The following PCDH11X variants were observed in gnomAD, a reference collection of about 807,000 sequenced individuals.
PCDH11X encodes the protein protocadherin-11 X-linked.
PCDH11X carries 18 observed loss-of-function variants against 53.3 expected under a neutral mutation model. That is an observed-to-expected ratio of 0.34 (90% CI 0.23 to 0.50). The LOEUF (loss-of-function observed/expected upper bound fraction) is 0.50, where lower values mean the gene tolerates loss of function less well. Ranked by LOEUF, PCDH11X falls within the 20% of genes least tolerant of loss-of-function variation. The probability of loss-of-function intolerance (pLI) is 0.98; values close to 1 mark genes in which losing one functional copy is unlikely to be tolerated. For missense variants in PCDH11X, 570 were observed against 1,032.4 expected, an observed-to-expected ratio of 0.55 and a Z score of 6.14; for synonymous variants, 279 against 393.3, an observed-to-expected ratio of 0.71 and a Z score of 3.44.
intron 6 of PCDH11X, among the ~76,000 whole-genome samples, chrX:92,034,491 A>G (rs1310085008): frequency 9.3e-6 from 1 of 107,585 alleles, no homozygotes; most frequent in East Asian, 3.1e-4. Flanking sequence ...TCATTATACT[A>G]TAACCTTCTT....
At chrX:92,417,907 G>A (rs1414798023) in intron 9 of PCDH11X, among the ~76,000 whole-genome samples, 3 of 94,062 alleles carry the variant, frequency 3.2e-5, no homozygotes, top group African/African-American at 7.9e-5. Flanking sequence ...TCGCATAGCC[G>A]ACTCCTAGCA....
chrX:92,417,592 T>C (rs1466933105), intron 9 of PCDH11X, among the ~76,000 whole-genome samples: 4 of 111,572 alleles, frequency 3.6e-5, no homozygotes, highest in African/African-American at 9.8e-5. Flanking sequence ...TGTATTTCAA[T>C]GTTCAGGGAG....
At chrX:91,902,294 A>G (rs1181535683) in intron 6 of PCDH11X, among the ~76,000 whole-genome samples, 1 of 110,254 alleles carries the variant, frequency 9.1e-6, no homozygotes, top group African/African-American at 3.3e-5. Context: ...TGTCTCATGT[A>G]GTTAGCAGTG....
At chrX:92,017,405 G>T (rs2062812627) in intron 6 of PCDH11X, among the ~76,000 whole-genome samples, 3 of 109,056 alleles carry the variant, frequency 2.8e-5, no homozygotes. Flanking sequence ...TACCATAAGA[G>T]ATATAATAGT....
At chrX:92,084,772 T>C (rs182132572) in intron 6 of PCDH11X, among the ~76,000 whole-genome samples, 99 of 110,787 alleles carry the variant, frequency 8.9e-4, no homozygotes, top group African/African-American at 3.1e-3. Flanking sequence ...TACCTCTTAA[T>C]CTTAGACAGC....
chrX:92,398,357 C>T (rs1344400012), intron 9 of PCDH11X, among the ~76,000 whole-genome samples: 1 of 111,536 alleles, frequency 9.0e-6, no homozygotes, highest in Non-Finnish European at 1.9e-5. Flanking sequence ...ATTGGAATTT[C>T]ACTGCATAAG....
At chrX:91,827,831 C>G (rs1366260644) in intron 4 of PCDH11X, among the ~76,000 whole-genome samples, 1 of 109,431 alleles carries the variant, frequency 9.1e-6, no homozygotes, top group Admixed American at 9.8e-5. Context: ...GCACCAGTAC[C>G]GTTACTGTAG....
intron 6 of PCDH11X, among the ~76,000 whole-genome samples, chrX:91,886,887 C>A (rs1940234697): frequency 9.6e-6 from 1 of 104,180 alleles, no homozygotes; most frequent in African/African-American, 3.5e-5. Flanking sequence ...AGGAGAATGG[C>A]ATGAACCCGG....
intron 8 of PCDH11X, among the ~76,000 whole-genome samples, chrX:92,269,222 C>G (rs769768945): frequency 6.3e-5 from 7 of 111,951 alleles, no homozygotes; most frequent in African/African-American, 2.3e-4. Context: ...TCTGTCTCAT[C>G]ATTGTTATCC....
In PCDH11X at chrX:92,398,316, G is replaced by A. The variant is rs867376223; in HGVS notation, c.3343+10383G>A. On this transcript the variant is annotated intron_variant, in intron 9 of 10. Coordinates refer to ENST00000682573, the MANE Select transcript of PCDH11X (RefSeq NM_032968.5). ...TGTCTATGTGTTAGTACTCAATACA[G>A]GGTAAAAACATACTGCTTTCAGGGC... Among the ~76,000 whole-genome samples the A allele has an allele frequency of 1.6e-3, 174 of 111,184 alleles. 1 individual carries two copies. The highest frequency in any genetic ancestry group is 3.8e-3 in the South Asian group (10 of 2,666).
At chrX:92,006,026 A>G (rs2062594067) in intron 6 of PCDH11X, among the ~76,000 whole-genome samples, 1 of 111,960 alleles carries the variant, frequency 8.9e-6, no homozygotes, top group Admixed American at 9.5e-5. Flanking sequence ...TGCTGCTTTT[A>G]GAATCCTTTC....
intron 4 of PCDH11X, among the ~76,000 whole-genome samples, chrX:91,822,238 C>CT (rs1464239447): frequency 9.2e-6 from 1 of 108,754 alleles, no homozygotes; most frequent in Non-Finnish European, 1.9e-5. Flanking sequence ...GGAATAGTTT[C>CT]AGAAGGAATG....
At chrX:92,188,391 C>A (rs963498952) in intron 6 of PCDH11X, among the ~76,000 whole-genome samples, 3 of 111,301 alleles carry the variant, frequency 2.7e-5, no homozygotes, top group Admixed American at 1.9e-4. Flanking sequence ...TACTAGAGAG[C>A]ATCTTTAGAA....
chrX:92,542,790 G>C (rs2074779602), intron 10 of PCDH11X, among the ~76,000 whole-genome samples: 1 of 110,931 alleles, frequency 9.0e-6, no homozygotes, highest in Admixed American at 9.6e-5. Flanking sequence ...AGCCTCTCTA[G>C]TGGCAGAAAT....
chrX:91,926,826 T>C (rs1379818716), intron 6 of PCDH11X, among the ~76,000 whole-genome samples: 3 of 111,150 alleles, frequency 2.7e-5, no homozygotes, highest in Non-Finnish European at 5.7e-5. Context: ...GTTGGGAACA[T>C]TTAATATCCT....
rs777759277 is a variant in PCDH11X, at chrX:92,254,340, A to C, written c.3115-8774A>C. Among the ~76,000 whole-genome samples the C allele has an allele frequency of 1.0e-3, 112 of 110,814 alleles. 1 individual carries two copies. Among genetic ancestry groups the C allele is most frequent in the African/African-American group, 3.6e-3 (108 of 30,368 alleles). On this transcript the variant is annotated intron_variant, in intron 7 of 10. Coordinates refer to ENST00000682573, the MANE Select transcript of PCDH11X (RefSeq NM_032968.5). ...ATTTTGAGCCTATGTGTGTCTCTGC[A>C]CGTGAGATGGGTTTCCTGAAAACAG...
intron 7 of PCDH11X, among the ~76,000 whole-genome samples, chrX:92,211,163 G>A (rs780803532): frequency 1.7e-4 from 19 of 111,813 alleles, no homozygotes; most frequent in Non-Finnish European, 2.3e-4. Flanking sequence ...AGGTTTAATC[G>A]TCTCATGATT....
intron 8 of PCDH11X, among the ~76,000 whole-genome samples, chrX:92,367,766 G>T (rs961649532): frequency 1.8e-5 from 2 of 111,531 alleles, no homozygotes; most frequent in Non-Finnish European, 3.8e-5. Flanking sequence ...GCTTAGTTTG[G>T]CTGGATATGA....
chrX:92,296,999 T>C (rs1177842087), intron 8 of PCDH11X, among the ~76,000 whole-genome samples: 1 of 71,605 alleles, frequency 1.4e-5, no homozygotes, highest in Non-Finnish European at 2.6e-5. Context: ...TGATTAGTGA[T>C]GTTGAACATT....
Sources: allele counts gnomAD v4.1 joint callset (sites outside exome capture counted in the v4.1 genomes callset), GRCh38; gene constraint gnomAD v4.1.1; transcripts MANE v1.5; gene names NCBI Gene and HGNC (gene_info 2026-07-23, HGNC 2026-07-21).